REEP6: variants seen among roughly 807,000 people sequenced by gnomAD.
REEP6 encodes receptor accessory protein 6.
REEP6 carries 19 observed loss-of-function variants against 22.4 expected under a neutral mutation model. That is an observed-to-expected ratio of 0.85 (90% CI 0.59 to 1.25). The LOEUF is 1.25. REEP6 is among the 50% of genes most tolerant of loss of function. The probability of loss-of-function intolerance (pLI) is 0.00; values close to 1 mark genes in which losing one functional copy is unlikely to be tolerated. For missense variants in REEP6, 273 were observed against 251.9 expected, an observed-to-expected ratio of 1.08 and a Z score of -0.57; for synonymous variants, 121 against 113.6, an observed-to-expected ratio of 1.06 and a Z score of -0.41.
At chr19:1,496,226 T>C (rs2085004714) in intron 3 of REEP6, 59 bp from the exon 4 acceptor site, 11 of 1,544,280 alleles carry the variant, frequency 7.1e-6, no homozygotes, top group Non-Finnish European at 9.6e-6. Flanking sequence ...GCAGCCCCTC[T>C]CCCCACCAGG....
chr19:1,492,963 C>T (rs1007702677), intron 1 of REEP6, among the ~76,000 whole-genome samples: 4 of 152,296 alleles, frequency 2.6e-5, no homozygotes, highest in South Asian at 4.1e-4. Flanking sequence ...GGTCGTAGAG[C>T]GCCCAGGAGG....
At chr19:1,495,752 C>G in intron 3 of REEP6, 145 bp downstream of exon 3, 1 of 1,178,408 alleles carries the variant, frequency 8.5e-7, no homozygotes, top group South Asian at 1.5e-5. Flanking sequence ...GAAACGAGCC[C>G]TGTCCGGGGG....
intron 3 of REEP6, chr19:1,496,057 G>A (rs547321636): frequency 1.7e-6 from 1 of 576,846 alleles, no homozygotes; most frequent in Non-Finnish European, 3.0e-6. Context: ...GCCTGTCCCA[G>A]TAGGACGTCT....
rs868055877 is a variant in REEP6 at position 1,491,605 on chromosome 19, C to G, written c.115+221C>G. On this transcript the variant is annotated intron_variant, in intron 1 of 4. Transcript: ENST00000233596. The surrounding 1 kb of genome is among the most constrained non-coding windows in gnomAD (Gnocchi z 5.4). ...TCTAGCTTCCGCCCCTGGCCGCCCC[C>G]CGACGCCTCCTTCCGGGCGCTGGGT... Among the ~76,000 whole-genome samples the G allele has an allele frequency of 6.6e-6, 1 of 152,350 alleles. No homozygotes were observed. The highest frequency in any genetic ancestry group is 2.1e-4 in the South Asian group (1 of 4,828).
chr19:1,494,283 C>G (rs2084988168), intron 1 of REEP6, among the ~76,000 whole-genome samples: 1 of 152,120 alleles, frequency 6.6e-6, no homozygotes, highest in Non-Finnish European at 1.5e-5. Context: ...GGTTTGCTGC[C>G]TCCAAGACAG....
chr19:1,497,133 C>T lies in REEP6; in HGVS notation c.518-41C>T, dbSNP rs150871379. ...TGCGAGCAGCTCCGGGGAGCCCAGGCCTGCCTCACGGCCCTCCCCCACCCG... is the reference window on the plus strand; with the variant it reads ...TGCGAGCAGCTCCGGGGAGCCCAGGTCTGCCTCACGGCCCTCCCCCACCCG... On this transcript the variant is annotated intron_variant, in intron 4 of 4. Transcript: ENST00000233596. This position sits in a 1 kb window ranked among gnomAD's most constrained non-coding sequence, Gnocchi z 6.5. The T allele has an allele frequency of 1.5e-6, 2 of 1,343,698 alleles. No individual in the cohort carries two copies. Among genetic ancestry groups the T allele is most frequent in the South Asian group, 1.5e-5 (1 of 66,208 alleles). 83.2% of individuals were successfully genotyped at this position (1,343,698 alleles called of 1,614,324 possible). A position where few individuals can be genotyped will look rare whatever the true frequency, so the allele number is the denominator to read the frequency against.
intron 1 of REEP6, among the ~76,000 whole-genome samples, chr19:1,494,442 C>A (rs1434500100): frequency 1.3e-5 from 2 of 152,156 alleles, no homozygotes; most frequent in African/African-American, 4.8e-5. Flanking sequence ...CTGCAGTGTC[C>A]AGGACAGCCA....
At chr19:1,494,772 C>A (rs1054434133) in intron 1 of REEP6, among the ~76,000 whole-genome samples, 2 of 152,128 alleles carry the variant, frequency 1.3e-5, no homozygotes, top group Admixed American at 6.6e-5. Context: ...GCAAGCTCCG[C>A]CTCCTGGGTT....
chr19:1,497,307 A>C lies in REEP6; in HGVS notation c.*96A>C. On this transcript the variant is annotated 3_prime_UTR_variant, in exon 5 of 5. Transcript: ENST00000233596. The surrounding 1 kb of genome is among the most constrained non-coding windows in gnomAD (Gnocchi z 6.5). ...CACAGAGTCTTCAGCGCATCCCCCA[A>C]CAGCAGCCCCTGCCAGTCCCTCGGG... is the stretch of plus-strand genomic sequence containing the variant. The C allele has an allele frequency of 1.1e-5, 12 of 1,125,326 alleles. No homozygotes were observed. Among genetic ancestry groups the C allele is most frequent in the Non-Finnish European group, 1.6e-5 (12 of 758,602 alleles). The allele number at this position is 1,125,326 out of a possible 1,614,324, so 69.7% of individuals were successfully genotyped here.
rs1351870442 is a variant in REEP6 at position 1,491,239 on chromosome 19, T to C, written c.-31T>C. 38 of 1,431,256 alleles carry C rather than the reference T, an allele frequency of 2.7e-5. No homozygotes were observed. Among genetic ancestry groups the C allele is most frequent in the Non-Finnish European group, 3.4e-5 (37 of 1,080,474 alleles). 88.7% of individuals were successfully genotyped at this position (1,431,256 alleles called of 1,614,324 possible). On this transcript the variant is annotated 5_prime_UTR_variant, in exon 1 of 5. Coordinates refer to ENST00000233596, the MANE Select transcript of REEP6 (RefSeq NM_138393.4). The surrounding 1 kb of genome is among the most constrained non-coding windows in gnomAD (Gnocchi z 5.4). ...TGGGTGCCCTGGTCCGCGGGCGAGCTCGAGCAGCCAACCCCGGGCGCGTCG... is the reference window on the plus strand; with the variant it reads ...TGGGTGCCCTGGTCCGCGGGCGAGCCCGAGCAGCCAACCCCGGGCGCGTCG...
intron 3 of REEP6, chr19:1,495,956 G>A (rs2085002936): frequency 7.5e-6 from 4 of 532,988 alleles, no homozygotes; most frequent in South Asian, 7.1e-5. Context: ...CACTTAAAGG[G>A]TGTCTGATGG....
Position 1,497,324 on chromosome 19 carries a change from TC to T in REEP6, c.*116del, listed in dbSNP as rs1349191652. 9.9e-7 allele frequency: 1 copy of T among 1,008,280 alleles called. No individual in the cohort carries two copies. The highest frequency in any genetic ancestry group is 1.5e-6 in the Non-Finnish European group (1 of 651,738). The allele number at this position is 1,008,280 out of a possible 1,614,324, so 62.5% of individuals were successfully genotyped here. Reference sequence around the variant, plus strand: ...ATCCCCCAACAGCAGCCCCTGCCAGTCCCTCGGGTCCAGGCAAGGCCCTGGG... The same window carrying T: ...ATCCCCCAACAGCAGCCCCTGCCAGTCCTCGGGTCCAGGCAAGGCCCTGGG... On this transcript the variant is annotated 3_prime_UTR_variant, in exon 5 of 5. Coordinates refer to ENST00000233596, the MANE Select transcript of REEP6 (RefSeq NM_138393.4). This position sits in a 1 kb window ranked among gnomAD's most constrained non-coding sequence, Gnocchi z 6.5.
In REEP6 at chr19:1,497,352, G is replaced by C. The variant is rs767388576; in HGVS notation, c.*141G>C. 8 of 830,000 alleles carry C rather than the reference G, an allele frequency of 9.6e-6. No homozygotes were observed. The highest frequency in any genetic ancestry group is 1.6e-5 in the Non-Finnish European group (8 of 488,902). The allele number at this position is 830,000 out of a possible 1,614,324, so 51.4% of individuals were successfully genotyped here. ...CTCGGGTCCAGGCAAGGCCCTGGGG[G>C]TCTCCTTAAATGCCACCTCGGGCAA... On this transcript the variant is annotated 3_prime_UTR_variant, in exon 5 of 5. Transcript: ENST00000233596. The surrounding 1 kb of genome is among the most constrained non-coding windows in gnomAD (Gnocchi z 6.5).
At position 1,497,806 on chromosome 19, in the gene REEP6, C is replaced by A. The variant is rs770067731; in HGVS notation, c.*595C>A. 33 of 462,210 alleles carry A rather than the reference C, an allele frequency of 7.1e-5. No homozygotes were observed. The highest frequency in any genetic ancestry group is 5.3e-4 in the Admixed American group (22 of 41,670). The allele number at this position is 462,210 out of a possible 1,614,324, so 28.6% of individuals were successfully genotyped here. A position where few individuals can be genotyped will look rare whatever the true frequency, so the allele number is the denominator to read the frequency against. On this transcript the variant is annotated 3_prime_UTR_variant, in exon 5 of 5. Coordinates refer to ENST00000233596, the MANE Select transcript of REEP6 (RefSeq NM_138393.4). The surrounding 1 kb of genome is among the most constrained non-coding windows in gnomAD (Gnocchi z 6.5). ...TCCGGGACCTCTCTGGAGTACACTT[C>A]GGAGTCCACCACCGAGATCACCTGC...
At position 1,495,719 on chromosome 19, in the gene REEP6, G is replaced by T. The variant is rs572813877; in HGVS notation, c.348+112G>T. 15 of 1,442,830 alleles carry T rather than the reference G, an allele frequency of 1.0e-5. No individual in the cohort carries two copies. In the African/African-American group the frequency reaches 1.1e-4, roughly 11 times the overall value. 89.4% of individuals were successfully genotyped at this position (1,442,830 alleles called of 1,614,324 possible). On this transcript the variant is annotated intron_variant, in intron 3 of 4. Coordinates refer to ENST00000233596, the MANE Select transcript of REEP6 (RefSeq NM_138393.4). ...TACCAGGAGATGGGGGATGTGAGGG[G>T]AAGACTCAGTCCCTTCCCTGGGGAA...
In REEP6 at chr19:1,491,202, C is replaced by T; in HGVS notation, c.-68C>T. ...GCTCAGGCTGCGGGAAAGCGGTGCG[C>T]GTGCAGCGGGGTGGGTGCCCTGGTC... On this transcript the variant is annotated 5_prime_UTR_variant, in exon 1 of 5. Transcript: ENST00000233596. This position sits in a 1 kb window ranked among gnomAD's most constrained non-coding sequence, Gnocchi z 5.4. 1 of 1,114,892 alleles carries T rather than the reference C, an allele frequency of 9.0e-7. No individual in the cohort carries two copies. Among genetic ancestry groups the T allele is most frequent in the Non-Finnish European group, 1.2e-6 (1 of 823,808 alleles). The allele number at this position is 1,114,892 out of a possible 1,614,324, so 69.1% of individuals were successfully genotyped here. A position where few individuals can be genotyped will look rare whatever the true frequency, so the allele number is the denominator to read the frequency against.
At position 1,495,327 on chromosome 19, in the gene REEP6, T is replaced by G. The variant is rs1245391576; in HGVS notation, c.149T>G (p.Phe50Cys). ...AVTLLSLYLL[F>C]GYGASLLCNL... The stretch of plus-strand genomic sequence containing the variant: ...ACTCTGCTAAGCCTGTATCTGCTGT[T>G]CGGCTACGGAGCGTCTCTGCTGTGC... Residue 50 changes from phenylalanine to cysteine, a missense_variant, in exon 2 of 5, where the codon TTC becomes TGC. By Grantham distance (205) the Phe-to-Cys change is radical (BLOSUM62 -2). Transcript: ENST00000233596. The G allele has an allele frequency of 6.2e-7, 1 of 1,613,518 alleles. No homozygotes were observed. The highest frequency in any genetic ancestry group is 8.5e-7 in the Non-Finnish European group (1 of 1,180,006).
At chr19:1,492,204 T>C (rs2084962163) in intron 1 of REEP6, among the ~76,000 whole-genome samples, 1 of 152,138 alleles carries the variant, frequency 6.6e-6, no homozygotes, top group Non-Finnish European at 1.5e-5. Flanking sequence ...AACCTCCACC[T>C]CCTGGGTTCA....
rs1294855368 is a variant in REEP6 at position 1,496,453 on chromosome 19, G to A, written c.517G>A (p.Val173Ile). The A allele has an allele frequency of 2.5e-6, 4 of 1,610,130 alleles. No individual in the cohort carries two copies. Among genetic ancestry groups the A allele is most frequent in the Admixed American group, 1.7e-5 (1 of 59,944 alleles). ...CGCGGCGGCCGGAATAACCAGGAAC[G>A]GTGGGTGCTCGCAGGCGCCTGGCTG... ...LDAAAGITRN[V>I]KPSQTPQPKD... Residue 173 changes from valine (V) to isoleucine (I), a missense_variant and splice_region_variant, in exon 4 of 5, where the codon GTC (valine) becomes ATC (isoleucine). Coordinates refer to ENST00000233596, the MANE Select transcript of REEP6 (RefSeq NM_138393.4).
Sources: allele counts gnomAD v4.1 joint callset (sites outside exome capture counted in the v4.1 genomes callset), GRCh38; gene constraint gnomAD v4.1.1; non-coding constraint Gnocchi (gnomAD v3.1); transcripts MANE v1.5; gene names NCBI Gene and HGNC (gene_info 2026-07-23, HGNC 2026-07-21).